Variants in TRERF1 observed in about 807,000 individuals in gnomAD.
The protein encoded by TRERF1 is transcriptional regulating factor 1, also known as transcriptional-regulating factor 1.
A neutral mutation model predicts 122.9 loss-of-function variants in TRERF1; 27 were observed. The observed-to-expected ratio is 0.22, with a 90% CI of 0.16 to 0.30. The LOEUF (loss-of-function observed/expected upper bound fraction) is 0.30. Among genes scored for constraint, TRERF1 ranks in the 10% least tolerant of loss-of-function variants. The pLI is 1.00. For synonymous variants in TRERF1, 636 were observed against 641.7 expected, an observed-to-expected ratio of 0.99 and a Z score of 0.13; for missense variants, 1,248 against 1,560.3, an observed-to-expected ratio of 0.80 and a Z score of 3.37.
Position 42,360,770 on chromosome 6 carries a change from TTAAAAAAAAAAAAA to T in TRERF1, c.-371+2213_-371+2226del, listed in dbSNP as rs1277364013. Among the ~76,000 whole-genome samples the T allele has an allele frequency of 8.3e-4, 53 of 64,098 alleles. 1 individual carries two copies. The highest frequency in any genetic ancestry group is 2.4e-3 in the African/African-American group (51 of 21,632). 42.1% of individuals were successfully genotyped at this position (64,098 alleles called of 152,430 possible). On this transcript the variant is annotated intron_variant, in intron 3 of 17. Transcript: ENST00000372922. ...ACCCAGGGAGGAAGGAGTGGAGAGA[TTAAAAAAAAAAAAA>T]AAAAAAAAAAAAAAAAAACCTGGAT...
Position 42,257,254 on chromosome 6 carries a change from C to T in TRERF1, c.2337-152G>A, listed in dbSNP as rs143554954. 304 of 963,910 alleles carry T rather than the reference C, an allele frequency of 3.2e-4. 1 individual carries two copies. The highest frequency in any genetic ancestry group is 4.1e-4 in the Non-Finnish European group (271 of 656,082). The allele number at this position is 963,910 out of a possible 1,614,324, so 59.7% of individuals were successfully genotyped here. A position where few individuals can be genotyped will look rare whatever the true frequency, so the allele number is the denominator to read the frequency against. ...CACAGTGTGACCCTAAGATTCCACA[C>T]GTGGCCTTTTCACTGGGATAAGGAA... On this transcript the variant is annotated intron_variant, in intron 10 of 17. Transcript: ENST00000372922.
Position 42,268,965 on chromosome 6 carries a change from T to G in TRERF1, c.626A>C (p.His209Pro), listed in dbSNP as rs746286515. The change falls in exon 5 of 18, where the codon CAC becomes CCC. Residue 209 changes from histidine (H) to proline (P), a missense_variant. By Grantham distance (77) the His-to-Pro change is moderately conservative. This residue lies in a region of TRERF1 where 946 missense variants were observed against 1,073.0 expected (regional missense o/e 0.88). Coordinates refer to ENST00000372922, the Ensembl canonical transcript of TRERF1. This position sits in a 1 kb window ranked among gnomAD's most constrained non-coding sequence, Gnocchi z 4.4. ...GGACAGCCCACCAGTGAAACCAGGGTGAGGCTGCTGGGGCACCTGCTGGTA... is the reference window on the plus strand; with the variant it reads ...GGACAGCCCACCAGTGAAACCAGGGGGAGGCTGCTGGGGCACCTGCTGGTA... 2 of 1,612,146 alleles carry G rather than the reference T, an allele frequency of 1.2e-6. No homozygotes were observed. Among genetic ancestry groups the G allele is most frequent in the Non-Finnish European group, 1.7e-6 (2 of 1,178,612 alleles).
chr6:42,262,433 GCA>G (rs1561853382), intron 8 of TRERF1, among the ~76,000 whole-genome samples: 7 of 11,812 alleles, frequency 5.9e-4, no homozygotes, highest in Admixed American at 8.5e-4. Flanking sequence ...TTCCCTAGGG[GCA>G]GAGAGAGAGA....
intron 2 of TRERF1, among the ~76,000 whole-genome samples, chr6:42,398,171 A>G (rs1778895622): frequency 6.6e-6 from 1 of 152,222 alleles, no homozygotes; most frequent in South Asian, 2.1e-4. Flanking sequence ...CCCTGATTAG[A>G]TGATGTATGC....
intron 4 of TRERF1, among the ~76,000 whole-genome samples, chr6:42,278,206 C>T (rs1382168815): frequency 2.6e-5 from 4 of 152,186 alleles, no homozygotes; most frequent in Non-Finnish European, 5.9e-5. Flanking sequence ...GTATTGACTG[C>T]ATAGATCTGA....
chr6:42,432,543 T>TA (rs1250585168), intron 2 of TRERF1, among the ~76,000 whole-genome samples: 2 of 152,056 alleles, frequency 1.3e-5, no homozygotes, highest in Admixed American at 6.5e-5. Flanking sequence ...GTGCAAATAT[T>TA]AAAAAATCAC....
At chr6:42,298,498 GAC>G (rs1299491395) in intron 4 of TRERF1, among the ~76,000 whole-genome samples, 7 of 151,662 alleles carry the variant, frequency 4.6e-5, no homozygotes, top group African/African-American at 1.7e-4. Flanking sequence ...AGCACAGAGA[GAC>G]AAAGAGATGA....
intron 3 of TRERF1, among the ~76,000 whole-genome samples, chr6:42,343,824 T>C (rs1351980138): frequency 1.3e-5 from 2 of 152,238 alleles, no homozygotes; most frequent in African/African-American, 2.4e-5. Context: ...TGTCTTGTTC[T>C]TCTCTGAGCC....
At position 42,263,231 on chromosome 6, in the gene TRERF1, C is replaced by T. The variant is rs749922869; in HGVS notation, c.1884+89G>A. 4 of 1,489,206 alleles carry T rather than the reference C, an allele frequency of 2.7e-6. No individual in the cohort carries two copies. Among genetic ancestry groups the T allele is most frequent in the Non-Finnish European group, 3.6e-6 (4 of 1,114,344 alleles). 92.2% of individuals were successfully genotyped at this position (1,489,206 alleles called of 1,614,324 possible). The stretch of plus-strand genomic sequence containing the variant: ...AAGAAAGCAAAGGGATGTCCCCACC[C>T]AGGCAGGTGGGGCAGAGCAGCAACT... On this transcript the variant is annotated intron_variant, in intron 8 of 17. Coordinates refer to ENST00000372922, the Ensembl canonical transcript of TRERF1. This position sits in a 1 kb window ranked among gnomAD's most constrained non-coding sequence, Gnocchi z 5.6.
intron 2 of TRERF1, among the ~76,000 whole-genome samples, chr6:42,444,539 G>A (rs1787125163): frequency 6.6e-6 from 1 of 152,064 alleles, no homozygotes. Context: ...CCTCCACAGA[G>A]TCCCCTGCCT....
chr6:42,338,722 A>C (rs929134253), intron 3 of TRERF1, among the ~76,000 whole-genome samples: 1 of 152,074 alleles, frequency 6.6e-6, no homozygotes, highest in African/African-American at 2.4e-5. Context: ...CTGCATCCAG[A>C]TCTTGGTAGT....
intron 2 of TRERF1, among the ~76,000 whole-genome samples, chr6:42,445,357 C>CACAG (rs76720213): frequency 0.5 from 70,184 of 139,484 alleles, 17,663 homozygotes; most frequent in Non-Finnish European, 0.58. Context: ...CACACAGACA[C>CACAG]ACACACACAC....
chr6:42,360,519 G>T (rs1461840500), intron 3 of TRERF1, among the ~76,000 whole-genome samples: 3 of 152,150 alleles, frequency 2.0e-5, no homozygotes, highest in Non-Finnish European at 2.9e-5. Flanking sequence ...ACTTTTACTA[G>T]TTAAGGTTGA....
chr6:42,265,843 AC>A, intron 5 of TRERF1, 46 bp from the exon 6 acceptor site: 1 of 1,599,068 alleles, frequency 6.3e-7, no homozygotes, highest in Non-Finnish European at 8.5e-7. Context: ...AGAGAAAAAA[AC>A]GTGTTCTGAA....
intron 2 of TRERF1, among the ~76,000 whole-genome samples, chr6:42,432,179 A>T (rs1347613664): frequency 1.3e-5 from 2 of 152,220 alleles, no homozygotes; most frequent in Non-Finnish European, 2.9e-5. Context: ...AGTCAGTATT[A>T]TACAGCATGT....
chr6:42,318,237 C>T (rs1292788438), intron 3 of TRERF1, among the ~76,000 whole-genome samples: 1 of 152,054 alleles, frequency 6.6e-6, no homozygotes, highest in Non-Finnish European at 1.5e-5. Context: ...AATAGAGGTC[C>T]ATATTCTCCA....
rs551366074 is a variant in TRERF1, at chr6:42,393,712, A to AG, written c.-453-30634dup. Among the ~76,000 whole-genome samples, 53 of 152,338 alleles carry AG rather than the reference A, an allele frequency of 3.5e-4. No homozygotes were observed. The highest frequency in any genetic ancestry group is 3.4e-3 in the Middle Eastern group (1 of 294). ...GAAGGCAATTTAGATGACTAAATAT[A>AG]GGGGAGCTGGTTAAATAAGTTATAG... On this transcript the variant is annotated intron_variant, in intron 2 of 17. Coordinates refer to ENST00000372922, the Ensembl canonical transcript of TRERF1. This position sits in a 1 kb window ranked among gnomAD's most constrained non-coding sequence, Gnocchi z 4.1.
At chr6:42,428,681 T>C (rs955742855) in intron 2 of TRERF1, among the ~76,000 whole-genome samples, 3 of 152,202 alleles carry the variant, frequency 2.0e-5, no homozygotes, top group African/African-American at 7.2e-5. Flanking sequence ...CCAAAGGAGA[T>C]TAACAGTTGA....
chr6:42,407,481 G>A (rs887964999), intron 2 of TRERF1, among the ~76,000 whole-genome samples: 1 of 152,196 alleles, frequency 6.6e-6, no homozygotes, highest in East Asian at 1.9e-4. Context: ...CCATAAAACC[G>A]GCTCGACAAA....
Sources: gnomAD v4.1 joint callset for allele counts (sites outside exome capture counted in the v4.1 genomes callset) on GRCh38, gnomAD v4.1.1 for gene constraint, gnomAD v4.1.1 regional missense constraint, Gnocchi (gnomAD v3.1) non-coding constraint, MANE v1.5 for transcripts, NCBI Gene and HGNC (gene_info 2026-07-23, HGNC 2026-07-21) for gene names.